GARNL3: variants seen among roughly 807,000 people sequenced by gnomAD.
GARNL3 encodes GTPase activating Rap/RanGAP domain like 3.
In GARNL3, 63 loss-of-function variants were observed where a neutral mutation model predicts 125.0. That is an observed-to-expected ratio of 0.50 (90% confidence interval 0.41 to 0.62). The LOEUF is 0.62. Ranked by LOEUF, GARNL3 falls within the 20% of genes least tolerant of loss-of-function variation. The pLI, the probability that GARNL3 is intolerant of heterozygous loss-of-function variation, is 0.00. For missense variants in GARNL3, 994 were observed against 1,244.0 expected, an observed-to-expected ratio of 0.80 and a Z score of 3.02; for synonymous variants, 439 against 457.5, an observed-to-expected ratio of 0.96 and a Z score of 0.52.
Position 127,389,050 on chromosome 9 carries a change from A to T in GARNL3, c.2674A>T (p.Thr892Ser). 1.2e-6 allele frequency: 2 copies of T among 1,614,114 alleles called. No homozygotes were observed. Among genetic ancestry groups the T allele is most frequent in the Non-Finnish European group, 1.7e-6 (2 of 1,179,998 alleles). The change falls in exon 26 of 28, where the codon ACG becomes TCG. Residue 892 changes from threonine to serine, a missense_variant. Physicochemically the swap from Thr to Ser is moderately conservative, Grantham distance 58. Coordinates refer to ENST00000373387, the MANE Select transcript of GARNL3 (RefSeq NM_032293.5). Reference sequence around the variant, plus strand: ...TGTGGGCCTTGCTGCCATTCCAGTCACGCACTCCTTGTCCCTGTCTCGCAT... The same window carrying T: ...TGTGGGCCTTGCTGCCATTCCAGTCTCGCACTCCTTGTCCCTGTCTCGCAT... ...ISVGLAAIPV[T>S]HSLSLSRMEI...
At chr9:127,365,885 G>T (rs761191627) in intron 22 of GARNL3, among the ~76,000 whole-genome samples, 1 of 152,124 alleles carries the variant, frequency 6.6e-6, no homozygotes, top group Non-Finnish European at 1.5e-5. Flanking sequence ...TGTTTCTCAG[G>T]TATTAATGAA....
At chr9:127,352,265 C>T (rs1830458060) in intron 17 of GARNL3, among the ~76,000 whole-genome samples, 1 of 152,156 alleles carries the variant, frequency 6.6e-6, no homozygotes, top group Non-Finnish European at 1.5e-5. Flanking sequence ...TCAGGCTCCT[C>T]CTTTGTTCAA....
intron 17 of GARNL3, among the ~76,000 whole-genome samples, chr9:127,350,280 A>T (rs959902572): frequency 4.6e-5 from 7 of 152,182 alleles, no homozygotes; most frequent in African/African-American, 1.7e-4. Context: ...ATTGGAGATA[A>T]TTTTTTAAGA....
intron 20 of GARNL3, 118 bp downstream of exon 20, chr9:127,355,590 G>A: frequency 1.1e-6 from 1 of 880,060 alleles, no homozygotes; most frequent in East Asian, 2.4e-5. Context: ...AGCCAACTAG[G>A]GAAACCCTCA....
chr9:127,357,357 C>T lies in GARNL3; in HGVS notation c.2074C>T (p.His692Tyr), dbSNP rs779712974. 4.3e-6 allele frequency: 7 copies of T among 1,613,816 alleles called. No individual in the cohort carries two copies. The highest frequency in any genetic ancestry group is 5.9e-6 in the Non-Finnish European group (7 of 1,180,032). The change falls in exon 21 of 28, where the codon CAC becomes TAC. Residue 692 changes from histidine to tyrosine, a missense_variant. Around this residue, in one of 5 missense-constraint regions of GARNL3, gnomAD observed 728 missense variants for 865.7 expected, o/e 0.84. Coordinates refer to ENST00000373387, the MANE Select transcript of GARNL3 (RefSeq NM_032293.5). ...GAGCACAGGAGAAGCCTTCAGGCTG[C>T]ACCACGTGGAGGCCAACAGGGTAAG... ...NESTGEAFRL[H>Y]HVEANRVNFV...
In GARNL3 at chr9:127,379,042, T is replaced by G. The variant is rs553056235; in HGVS notation, c.2162-4396T>G. ...ATCTGCCCGCCTTGGCCTCCCAAAG[T>G]GCTGAGATTACAGGTGTGAGCCACT... On this transcript the variant is annotated intron_variant, in intron 22 of 27. Transcript: ENST00000373387. Among the ~76,000 whole-genome samples, 31 of 152,302 alleles carry G rather than the reference T, an allele frequency of 2.0e-4. No individual in the cohort carries two copies. The South Asian group carries it at 2.3e-3, about 11-fold the overall frequency.
Position 127,338,161 on chromosome 9 carries a change from G to C in GARNL3, c.1028G>C (p.Arg343Thr). ...VRYNQQNDNY[R>T]LKIFSEESVP... ...TACAATCAACAAAATGACAATTACA[G>C]GTAGGTAATGACTTTGTCTCGATTG... The change falls in exon 12 of 28, where the codon AGG becomes ACG. Residue 343 changes from arginine to threonine, a missense_variant and splice_region_variant. Around this residue, in one of 5 missense-constraint regions of GARNL3, gnomAD observed 728 missense variants for 865.7 expected, o/e 0.84. Transcript: ENST00000373387. 1 of 1,605,794 alleles carries C rather than the reference G, an allele frequency of 6.2e-7. No individual in the cohort carries two copies. The highest frequency in any genetic ancestry group is 1.1e-5 in the South Asian group (1 of 90,870).
upstream of GARNL3, among the ~76,000 whole-genome samples, chr9:127,259,998 A>G (rs553504646): frequency 6.6e-6 from 1 of 152,174 alleles, no homozygotes; most frequent in Non-Finnish European, 1.5e-5. Context: ...ACACCACTGC[A>G]CTCTAGCGTG....
At chr9:127,265,558 G>C (rs931359454) in intron 1 of GARNL3, among the ~76,000 whole-genome samples, 1 of 152,028 alleles carries the variant, frequency 6.6e-6, no homozygotes, top group Admixed American at 6.6e-5. Context: ...TTAATGAGAG[G>C]TGTTAGTGTT....
chr9:127,344,700 G>T lies in GARNL3; in HGVS notation c.1356+361G>T, dbSNP rs535351933. Among the ~76,000 whole-genome samples, 48 of 152,316 alleles carry T rather than the reference G, an allele frequency of 3.2e-4. 1 individual carries two copies. The South Asian group carries it at 9.7e-3, about 31-fold the overall frequency. ...GGAAATGCCCCTTAAACCCATGACT[G>T]GCAGGAGGAAGCACAGAGTGGCAGT... On this transcript the variant is annotated intron_variant, in intron 15 of 27. Transcript: ENST00000373387.
chr9:127,308,123 AT>A (rs1451909701), intron 2 of GARNL3, among the ~76,000 whole-genome samples: 8 of 152,276 alleles, frequency 5.3e-5, no homozygotes, highest in Non-Finnish European at 2.9e-5. Context: ...ATCCAATGAT[AT>A]GCTTTCACCA....
intron 16 of GARNL3, among the ~76,000 whole-genome samples, chr9:127,348,429 G>A (rs1342693168): frequency 6.6e-6 from 1 of 152,156 alleles, no homozygotes; most frequent in Non-Finnish European, 1.5e-5. Context: ...TCTTATGTGG[G>A]TCAATAGGCA....
chr9:127,348,447 G>A (rs1323553392), intron 16 of GARNL3, among the ~76,000 whole-genome samples: 1 of 152,168 alleles, frequency 6.6e-6, no homozygotes, highest in South Asian at 2.1e-4. Flanking sequence ...GCATTTTCAC[G>A]TGAAAACAAT....
At chr9:127,365,512 C>A (rs781006405) in intron 22 of GARNL3, 146 bp downstream of exon 22, 5 of 716,746 alleles carry the variant, frequency 7.0e-6, no homozygotes, top group Non-Finnish European at 1.2e-5. Flanking sequence ...CTGAAAAATA[C>A]CTTCCTCCCT....
chr9:127,378,585 C>T (rs1436454068), intron 22 of GARNL3, among the ~76,000 whole-genome samples: 1 of 13,388 alleles, frequency 7.5e-5, no homozygotes, highest in Non-Finnish European at 1.6e-4. Context: ...GAAACTCCGT[C>T]ACAAAAAAAA....
At chr9:127,342,382 G>A in intron 14 of GARNL3, 48 bp downstream of exon 14, 1 of 1,219,468 alleles carries the variant, frequency 8.2e-7, no homozygotes. Context: ...GGTCTGAGTT[G>A]AGAACACAAG....
intron 1 of GARNL3, among the ~76,000 whole-genome samples, chr9:127,281,135 A>T (rs1428145138): frequency 6.6e-6 from 1 of 152,086 alleles, no homozygotes; most frequent in Non-Finnish European, 1.5e-5. Context: ...CAGCCTGATT[A>T]ACCACAGATC....
At chr9:127,382,803 C>G (rs1800976116) in intron 22 of GARNL3, among the ~76,000 whole-genome samples, 1 of 152,108 alleles carries the variant, frequency 6.6e-6, no homozygotes, top group African/African-American at 2.4e-5. Flanking sequence ...GGTTGAGGTT[C>G]ACCAAGAGGA....
At chr9:127,298,798 C>G (rs184623712) in intron 2 of GARNL3, among the ~76,000 whole-genome samples, 1 of 152,096 alleles carries the variant, frequency 6.6e-6, no homozygotes, top group Non-Finnish European at 1.5e-5. Context: ...TATTATGCCT[C>G]CAGAGTCGAC....
Sources: gnomAD v4.1 joint callset for allele counts (sites outside exome capture counted in the v4.1 genomes callset) on GRCh38, gnomAD v4.1.1 for gene constraint, gnomAD v4.1.1 regional missense constraint, MANE v1.5 for transcripts, NCBI Gene and HGNC (gene_info 2026-07-23, HGNC 2026-07-21) for gene names.